ENOX1: variants seen among roughly 807,000 people sequenced by gnomAD.
ENOX1 encodes the protein candidate growth-related and time keeping constitutive hydroquinone (NADH) oxidase.
Under a neutral mutation model 82.5 loss-of-function variants are expected in ENOX1, and 42 were observed. The ratio of observed to expected loss-of-function variants is 0.51; its 90% confidence interval spans 0.40 to 0.66. ENOX1 has a LOEUF of 0.66. Among genes scored for constraint, ENOX1 ranks in the 30% least tolerant of loss-of-function variants. The pLI is 0.00. For missense variants in ENOX1, 608 were observed against 811.6 expected (o/e 0.75, Z 3.05); for synonymous variants, 271 against 282.2 (o/e 0.96, Z 0.40).
At chr13:43,773,748 T>A (rs1951776176) in intron 1 of ENOX1, among the ~76,000 whole-genome samples, 1 of 152,248 alleles carries the variant, frequency 6.6e-6, no homozygotes. Flanking sequence ...ATAATTACTG[T>A]TCTGTTTATC....
rs1228623690 is a variant in ENOX1 at position 43,362,594 on chromosome 13, C to CTGT, written c.209-1145_209-1143dup. Reference sequence around the variant, plus strand: ...CCTTTGTACAGTTCTCCTGTACAGCCTGTGCCTTAGGCCTCCGCATGGCCT... The same window carrying CTGT: ...CCTTTGTACAGTTCTCCTGTACAGCCTGTTGTGCCTTAGGCCTCCGCATGGCCT... On this transcript the variant is annotated intron_variant, in intron 5 of 16. Coordinates refer to ENST00000690772, the MANE Select transcript of ENOX1 (RefSeq NM_001347969.2). Among the ~76,000 whole-genome samples the CTGT allele has an allele frequency of 4.6e-5, 7 of 152,296 alleles. No individual in the cohort carries two copies. In the East Asian group the frequency reaches 1.4e-3, roughly 29 times the overall value.
At chr13:43,644,247 G>T (rs1218424974) in intron 2 of ENOX1, among the ~76,000 whole-genome samples, 1 of 152,156 alleles carries the variant, frequency 6.6e-6, no homozygotes, top group Admixed American at 6.5e-5. Context: ...TAGTATGTGA[G>T]TGGCTGGTAA....
chr13:43,309,025 CTTTTTTTTT>C (rs138771171), intron 11 of ENOX1, among the ~76,000 whole-genome samples: 18,373 of 138,590 alleles, frequency 0.13, 1,456 homozygotes, highest in Middle Eastern at 0.2. Context: ...CTCAAAGTTA[CTTTTTTTTT>C]TTTTTTTTTT....
intron 3 of ENOX1, among the ~76,000 whole-genome samples, chr13:43,442,123 C>T (rs1050956087): frequency 5.3e-5 from 8 of 152,116 alleles, no homozygotes; most frequent in East Asian, 1.9e-4. Context: ...GGAGCCGAGT[C>T]GGACTGATTC....
At chr13:43,341,583 C>T (rs1470507458) in intron 9 of ENOX1, among the ~76,000 whole-genome samples, 1 of 152,088 alleles carries the variant, frequency 6.6e-6, no homozygotes, top group Non-Finnish European at 1.5e-5. Context: ...GCTCTGTCAG[C>T]TAGGGACAGT....
At chr13:43,539,967 C>A (rs1360228886) in intron 2 of ENOX1, among the ~76,000 whole-genome samples, 1 of 152,080 alleles carries the variant, frequency 6.6e-6, no homozygotes, top group East Asian at 1.9e-4. Flanking sequence ...GCTACCATCA[C>A]CCTTTGCTAG....
At chr13:43,428,948 G>A (rs1357718142) in intron 3 of ENOX1, among the ~76,000 whole-genome samples, 1 of 152,174 alleles carries the variant, frequency 6.6e-6, no homozygotes, top group Non-Finnish European at 1.5e-5. Flanking sequence ...TGAAATCAAA[G>A]TCCCTCTGCA....
chr13:43,372,542 A>G (rs182750502), intron 5 of ENOX1, among the ~76,000 whole-genome samples: 5 of 152,322 alleles, frequency 3.3e-5, no homozygotes, highest in African/African-American at 1.2e-4. Context: ...CAGGACAGGA[A>G]CAGGGACAGG....
At chr13:43,414,879 T>C (rs1001578361) in intron 3 of ENOX1, among the ~76,000 whole-genome samples, 2 of 152,222 alleles carry the variant, frequency 1.3e-5, no homozygotes, top group South Asian at 4.1e-4. Context: ...GGCTCATGAC[T>C]TGTGCCTGAC....
intron 14 of ENOX1, among the ~76,000 whole-genome samples, chr13:43,244,548 A>C (rs1302886465): frequency 6.6e-6 from 1 of 152,192 alleles, no homozygotes; most frequent in African/African-American, 2.4e-5. Flanking sequence ...AAAGAAACCA[A>C]TGATATACAG....
chr13:43,773,878 G>A (rs555069864), intron 1 of ENOX1, among the ~76,000 whole-genome samples: 4 of 152,068 alleles, frequency 2.6e-5, no homozygotes, highest in Admixed American at 6.6e-5. Context: ...TATTCATTAG[G>A]CACGCACAAT....
intron 15 of ENOX1, among the ~76,000 whole-genome samples, chr13:43,233,552 T>C (rs1009595842): frequency 2.0e-5 from 3 of 152,214 alleles, no homozygotes; most frequent in Non-Finnish European, 4.4e-5. Flanking sequence ...CAAATAATTA[T>C]ATGTAACTAG....
At position 43,262,935 on chromosome 13, in the gene ENOX1, A is replaced by G. The variant is rs76057408; in HGVS notation, c.1611+2463T>C. Among the ~76,000 whole-genome samples the G allele has an allele frequency of 1.8e-3, 272 of 152,314 alleles. 1 individual carries two copies. Among genetic ancestry groups the G allele is most frequent in the African/African-American group, 6.2e-3 (259 of 41,568 alleles). On this transcript the variant is annotated intron_variant, in intron 14 of 16. Coordinates refer to ENST00000690772, the MANE Select transcript of ENOX1 (RefSeq NM_001347969.2). ...GTCACATGGCTACTCAGTGATCAAA[A>G]TGGATTCAAACCCTCTCAGTCGGGT... is the stretch of plus-strand genomic sequence containing the variant.
chr13:43,248,123 G>A (rs1035731987), intron 14 of ENOX1, among the ~76,000 whole-genome samples: 12 of 151,132 alleles, frequency 7.9e-5, no homozygotes, highest in African/African-American at 2.4e-4. Context: ...CTGACCTCGT[G>A]ATCCGCCCGC....
chr13:43,462,815 A>C (rs1360645183), intron 3 of ENOX1, among the ~76,000 whole-genome samples: 3 of 152,224 alleles, frequency 2.0e-5, no homozygotes, highest in Non-Finnish European at 4.4e-5. Context: ...AAACAAATGA[A>C]CATCAGACGA....
intron 1 of ENOX1, among the ~76,000 whole-genome samples, chr13:43,721,430 G>T (rs1344964193): frequency 7.5e-6 from 1 of 132,516 alleles, no homozygotes; most frequent in Non-Finnish European, 1.5e-5. Context: ...CCAGGCTGGA[G>T]TGCAGTGGCG....
At chr13:43,261,277 C>T (rs375325479) in intron 14 of ENOX1, among the ~76,000 whole-genome samples, 4 of 152,156 alleles carry the variant, frequency 2.6e-5, no homozygotes, top group Non-Finnish European at 5.9e-5. Context: ...CAAGACTCTA[C>T]GTATCCTTTA....
chr13:43,295,056 G>T (rs368822620), intron 12 of ENOX1, among the ~76,000 whole-genome samples: 4 of 152,166 alleles, frequency 2.6e-5, no homozygotes, highest in Non-Finnish European at 4.4e-5. Flanking sequence ...GTATGCATTT[G>T]TCAAACTTCA....
chr13:43,351,566 TCCCTCCC>T (rs1184575673), intron 8 of ENOX1, among the ~76,000 whole-genome samples: 5 of 114,206 alleles, frequency 4.4e-5, no homozygotes, highest in African/African-American at 1.7e-4. Context: ...CCCAATGCTA[TCCCTCCC>T]CCCTCCCCCC....
Sources: allele counts gnomAD v4.1 joint callset (sites outside exome capture counted in the v4.1 genomes callset), GRCh38; gene constraint gnomAD v4.1.1; transcripts MANE v1.5; gene names NCBI Gene and HGNC (gene_info 2026-07-23, HGNC 2026-07-21).